The following SPON1 variants were observed in gnomAD, a reference collection of about 807,000 sequenced individuals.
The protein encoded by SPON1 is spondin-1.
A neutral mutation model predicts 111.7 loss-of-function variants in SPON1; 52 were observed. That is an observed-to-expected ratio of 0.47 (90% CI 0.37 to 0.59). The LOEUF is 0.59. Ranked by LOEUF, SPON1 falls within the 20% of genes least tolerant of loss-of-function variation. The probability of loss-of-function intolerance (pLI) is 0.00; values close to 1 mark genes in which losing one functional copy is unlikely to be tolerated. For synonymous variants in SPON1, 410 were observed against 395.8 expected, an observed-to-expected ratio of 1.04 and a Z score of -0.43; for missense variants, 957 against 1,068.5, an observed-to-expected ratio of 0.90 and a Z score of 1.46.
At chr11:14,039,790 G>C (rs1303441464) in intron 2 of SPON1, among the ~76,000 whole-genome samples, 1 of 152,074 alleles carries the variant, frequency 6.6e-6, no homozygotes, top group Non-Finnish European at 1.5e-5. Flanking sequence ...CTAACCTCTG[G>C]GTGCCAGAAA....
In SPON1 at chr11:14,161,019, C is replaced by CTATATATATTTATCTATATCTATATATT. The variant is rs1847942949; in HGVS notation, c.825+25464_825+25465insCTATATCTATATATTTATATATATTTAT. ...TTTATATATTTATATATTTATATAT[C>CTATATATATTTATCTATATCTATATATT]TATATATATTTATATATATCTATAT... On this transcript the variant is annotated intron_variant, in intron 6 of 15. Coordinates refer to ENST00000576479, the MANE Select transcript of SPON1 (RefSeq NM_006108.4). Among the ~76,000 whole-genome samples, 3 of 55,376 alleles carry CTATATATATTTATCTATATCTATATATT rather than the reference C, an allele frequency of 5.4e-5. No individual in the cohort carries two copies. The South Asian group carries it at 1.9e-3, about 36-fold the overall frequency. The allele number at this position is 55,376 out of a possible 152,430, so 36.3% of individuals were successfully genotyped here.
intron 6 of SPON1, among the ~76,000 whole-genome samples, chr11:14,140,546 C>A: frequency 6.6e-6 from 1 of 152,276 alleles, no homozygotes; most frequent in African/African-American, 2.4e-5. Context: ...AGGCGCCTGC[C>A]ATCATGCCCA....
chr11:14,001,693 C>A (rs151173026), intron 2 of SPON1, among the ~76,000 whole-genome samples: 144 of 152,282 alleles, frequency 9.5e-4, no homozygotes, highest in African/African-American at 3.3e-3. Flanking sequence ...GAGAGGGCTG[C>A]AAGGCATAAC....
In SPON1 at chr11:14,265,573, C is replaced by A; in HGVS notation, c.2310C>A (p.Cys770Ter). ...CCTGGTCAGAATGCACCAAACTGTG[C>A]GGAGGTGGAATTCAGGAACGTTACA... ...WTAWSECTKL[C>*]GGGIQERYMT... is the part of the protein sequence containing the mutation. The change falls in exon 16 of 16, where the codon TGC becomes TGA. Residue 770 changes from cysteine (C) to a stop codon, truncating the protein, a stop_gained. Transcript: ENST00000576479. LOFTEE classifies it high-confidence loss of function. 2 of 1,613,474 alleles carry A rather than the reference C, an allele frequency of 1.2e-6. No homozygotes were observed. Among genetic ancestry groups the A allele is most frequent in the Non-Finnish European group, 1.7e-6 (2 of 1,179,736 alleles).
chr11:13,970,455 G>A (rs2697841), intron 1 of SPON1, among the ~76,000 whole-genome samples: 3,382 of 152,272 alleles, frequency 0.022, 151 homozygotes, highest in African/African-American at 0.077. Context: ...TATGTCTCAT[G>A]GACTGGGTGA....
intron 13 of SPON1, among the ~76,000 whole-genome samples, chr11:14,260,367 G>A (rs1163036866): frequency 2.6e-5 from 4 of 152,034 alleles, no homozygotes; most frequent in Non-Finnish European, 5.9e-5. Flanking sequence ...ATAACCATCG[G>A]GGGGGGTCAG....
At chr11:14,041,233 T>C (rs1240646807) in intron 2 of SPON1, among the ~76,000 whole-genome samples, 1 of 152,176 alleles carries the variant, frequency 6.6e-6, no homozygotes, top group Non-Finnish European at 1.5e-5. Context: ...GTCGTTCTAT[T>C]GAAATAAGCA....
intron 1 of SPON1, among the ~76,000 whole-genome samples, chr11:13,971,344 C>A (rs980598467): frequency 6.6e-6 from 1 of 152,164 alleles, no homozygotes; most frequent in Non-Finnish European, 1.5e-5. Flanking sequence ...GGCTGCCAAC[C>A]TCAGAAACTG....
intron 3 of SPON1, among the ~76,000 whole-genome samples, chr11:14,047,156 AC>A (rs1848674640): frequency 6.6e-6 from 1 of 152,070 alleles, no homozygotes; most frequent in Non-Finnish European, 1.5e-5. Flanking sequence ...ATATATATAT[AC>A]CTTTTGTTTC....
intron 3 of SPON1, among the ~76,000 whole-genome samples, chr11:14,062,566 C>A (rs1384335301): frequency 6.6e-6 from 1 of 152,114 alleles, no homozygotes; most frequent in Non-Finnish European, 1.5e-5. Flanking sequence ...TCCAAATTGG[C>A]AGGAGAGTGA....
At chr11:14,164,290 A>G (rs1344854157) in intron 6 of SPON1, among the ~76,000 whole-genome samples, 3 of 152,204 alleles carry the variant, frequency 2.0e-5, no homozygotes, top group African/African-American at 7.2e-5. Flanking sequence ...GTATCCCAGT[A>G]TCAATCCTCC....
rs10642040 is a variant in SPON1, at chr11:14,197,488, A to AAAATAAATAAAT, written c.826-45820_826-45809dup. Among the ~76,000 whole-genome samples the AAAATAAATAAAT allele has an allele frequency of 4.3e-3, 630 of 145,042 alleles. 6 individuals are homozygous for AAAATAAATAAAT. Among genetic ancestry groups the AAAATAAATAAAT allele is most frequent in the African/African-American group, 1.0e-2 (392 of 39,276 alleles). On this transcript the variant is annotated intron_variant, in intron 6 of 15. Transcript: ENST00000576479. ...TTGGAAGGAGGAAAGGTCCTCTTTAAAAATAAATAAATAAATAAATAAATA... is the reference window on the plus strand; with the variant it reads ...TTGGAAGGAGGAAAGGTCCTCTTTAAAAATAAATAAATAAATAAATAAATAAATAAATAAATA...
chr11:14,217,870 CCTTA>C (rs1848641629), intron 6 of SPON1, among the ~76,000 whole-genome samples: 1 of 152,078 alleles, frequency 6.6e-6, no homozygotes, highest in African/African-American at 2.4e-5. Flanking sequence ...TTTATTGAAC[CCTTA>C]CTATGTGGCA....
At chr11:14,157,259 T>C (rs1482742219) in intron 6 of SPON1, among the ~76,000 whole-genome samples, 1 of 152,180 alleles carries the variant, frequency 6.6e-6, no homozygotes, top group African/African-American at 2.4e-5. Flanking sequence ...AATTCTCAGT[T>C]CTTATTTATC....
At chr11:14,061,658 A>T (rs1564896248) in intron 3 of SPON1, among the ~76,000 whole-genome samples, 1 of 152,236 alleles carries the variant, frequency 6.6e-6, no homozygotes, top group Non-Finnish European at 1.5e-5. Context: ...CCAGGCCTAA[A>T]CAGTAATACA....
chr11:14,036,692 T>G (rs1354095903), intron 2 of SPON1, among the ~76,000 whole-genome samples: 1 of 152,046 alleles, frequency 6.6e-6, no homozygotes, highest in Non-Finnish European at 1.5e-5. Flanking sequence ...TGAGATCACC[T>G]ACAGATAAAG....
At chr11:13,988,033 C>T (rs782524740) in intron 2 of SPON1, among the ~76,000 whole-genome samples, 7 of 152,140 alleles carry the variant, frequency 4.6e-5, no homozygotes, top group East Asian at 1.9e-4. Flanking sequence ...TTGGCTATTG[C>T]GGGCTCTTTT....
intron 15 of SPON1, among the ~76,000 whole-genome samples, chr11:14,263,757 G>C (rs138736768): frequency 2.6e-5 from 4 of 151,954 alleles, no homozygotes; most frequent in Non-Finnish European, 2.9e-5. Flanking sequence ...GGCCGGGCAC[G>C]GTGGCTCATG....
At position 13,982,867 on chromosome 11, in the gene SPON1, C is replaced by A; in HGVS notation, c.259C>A (p.Pro87Thr). The stretch of plus-strand genomic sequence containing the variant: ...TGCAGTAACACTTTCAGCTGCTCCT[C>A]CCTCCTACTTCAGAGGATTCACATT... ...SYRVTLSAAP[P>T]SYFRGFTLIA... The change falls in exon 2 of 16, where the codon CCC (proline) becomes ACC (threonine). Residue 87 changes from proline (P) to threonine (T), a missense_variant. Pro to Thr is a conservative substitution (Grantham distance 38). Coordinates refer to ENST00000576479, the MANE Select transcript of SPON1 (RefSeq NM_006108.4). The A allele has an allele frequency of 6.4e-7, 1 of 1,560,216 alleles. No individual in the cohort carries two copies.
Sources: allele counts gnomAD v4.1 joint callset (sites outside exome capture counted in the v4.1 genomes callset), GRCh38; gene constraint gnomAD v4.1.1; transcripts MANE v1.5; gene names NCBI Gene and HGNC (gene_info 2026-07-23, HGNC 2026-07-21).